Variants in SLC2A13 observed in about 807,000 individuals in gnomAD.
SLC2A13 encodes solute carrier family 2 member 13.
In SLC2A13, 32 loss-of-function variants were observed where a neutral mutation model predicts 64.4. The ratio of observed to expected loss-of-function variants is 0.50; its 90% CI spans 0.37 to 0.67. SLC2A13 has a LOEUF of 0.67. SLC2A13 is among the 30% of genes least tolerant of loss of function. The pLI is 0.00. For missense variants in SLC2A13, 743 were observed against 829.2 expected, an observed-to-expected ratio of 0.90 and a Z score of 1.28; for synonymous variants, 338 against 327.1, an observed-to-expected ratio of 1.03 and a Z score of -0.36.
intron 3 of SLC2A13, among the ~76,000 whole-genome samples, chr12:39,968,171 T>G (rs1012892144): frequency 1.9e-4 from 29 of 152,104 alleles, no homozygotes; most frequent in African/African-American, 6.8e-4. Flanking sequence ...CTCAGGAAAC[T>G]TACAATCATG....
At chr12:39,995,773 G>C (rs1288172904) in intron 3 of SLC2A13, among the ~76,000 whole-genome samples, 1 of 152,156 alleles carries the variant, frequency 6.6e-6, no homozygotes, top group Non-Finnish European at 1.5e-5. Flanking sequence ...TTTCCATGCT[G>C]TTCTCGTGAT....
chr12:39,941,946 A>G (rs147861389), intron 4 of SLC2A13, among the ~76,000 whole-genome samples: 124 of 152,202 alleles, frequency 8.1e-4, no homozygotes, highest in African/African-American at 2.8e-3. Flanking sequence ...AATCATCCCA[A>G]CACCATCTGT....
intron 5 of SLC2A13, among the ~76,000 whole-genome samples, chr12:39,867,365 T>A (rs2135932222): frequency 6.6e-6 from 1 of 152,248 alleles, no homozygotes; most frequent in Non-Finnish European, 1.5e-5. Flanking sequence ...TAAGGTCCAA[T>A]TCTAGTGCCT....
intron 6 of SLC2A13, among the ~76,000 whole-genome samples, chr12:39,836,843 T>G (rs544802803): frequency 1.2e-5 from 1 of 80,706 alleles, no homozygotes; most frequent in African/African-American, 5.2e-5. Flanking sequence ...TAAAAGAGGA[T>G]ACAAACAAAT....
chr12:39,874,970 C>G (rs1944146061), intron 4 of SLC2A13, among the ~76,000 whole-genome samples: 1 of 152,200 alleles, frequency 6.6e-6, no homozygotes, highest in African/African-American at 2.4e-5. Context: ...CCTTGTATCT[C>G]CCTCTGAGCA....
intron 4 of SLC2A13, among the ~76,000 whole-genome samples, chr12:39,925,898 C>A (rs12581013): frequency 0.059 from 8,914 of 152,166 alleles, 412 homozygotes; most frequent in East Asian, 0.26. Flanking sequence ...ATAAAATAAA[C>A]AATTTTCCTT....
intron 2 of SLC2A13, among the ~76,000 whole-genome samples, chr12:40,031,982 A>G (rs754079556): frequency 5.9e-5 from 9 of 152,178 alleles, no homozygotes; most frequent in Non-Finnish European, 1.2e-4. Context: ...GTAGTCTCCT[A>G]TTGATACAAG....
intron 6 of SLC2A13, among the ~76,000 whole-genome samples, chr12:39,854,119 C>G (rs1159013776): frequency 6.6e-6 from 1 of 151,750 alleles, no homozygotes; most frequent in Non-Finnish European, 1.5e-5. Flanking sequence ...AAAATAAAGG[C>G]CATTAGCTTG....
chr12:39,914,307 C>T (rs1023807500), intron 4 of SLC2A13, among the ~76,000 whole-genome samples: 1 of 152,018 alleles, frequency 6.6e-6, no homozygotes, highest in Non-Finnish European at 1.5e-5. Flanking sequence ...TGTCTGCTTA[C>T]AACAGTGGTG....
At chr12:39,845,734 CACA>C (rs1027777018) in intron 6 of SLC2A13, among the ~76,000 whole-genome samples, 3 of 152,124 alleles carry the variant, frequency 2.0e-5, no homozygotes, top group Non-Finnish European at 4.4e-5. Flanking sequence ...CATTTGCTCT[CACA>C]ACTAGACCCT....
intron 1 of SLC2A13, among the ~76,000 whole-genome samples, chr12:40,086,381 A>G (rs1938588535): frequency 6.6e-6 from 1 of 152,182 alleles, no homozygotes; most frequent in Non-Finnish European, 1.5e-5. Flanking sequence ...ACCTGTGGCC[A>G]TGATAAAAGA....
chr12:40,047,222 T>G (rs1433665466), intron 2 of SLC2A13, among the ~76,000 whole-genome samples: 1 of 152,166 alleles, frequency 6.6e-6, no homozygotes. Flanking sequence ...TTTCTTCTAC[T>G]GTTGAGGATT....
chr12:39,999,892 C>T (rs564826059), intron 3 of SLC2A13, among the ~76,000 whole-genome samples: 3 of 152,204 alleles, frequency 2.0e-5, no homozygotes, highest in Non-Finnish European at 4.4e-5. Context: ...GGCTTTAAGG[C>T]TCAGGTGGGC....
chr12:39,794,713 G>A (rs947485301), intron 7 of SLC2A13, among the ~76,000 whole-genome samples: 2 of 152,182 alleles, frequency 1.3e-5, no homozygotes, highest in Admixed American at 6.5e-5. Context: ...GCCTGGAGTG[G>A]CTGTGAACAT....
chr12:39,989,920 T>C (rs1256673649), intron 3 of SLC2A13, among the ~76,000 whole-genome samples: 1 of 152,328 alleles, frequency 6.6e-6, no homozygotes, highest in East Asian at 1.9e-4. Flanking sequence ...GTAAATGTGT[T>C]CTTAGTGATC....
chr12:39,826,609 A>T (rs189489914), intron 7 of SLC2A13, among the ~76,000 whole-genome samples: 1 of 151,650 alleles, frequency 6.6e-6, no homozygotes, highest in Admixed American at 6.6e-5. Flanking sequence ...TCTGAAAAAA[A>T]ATAAAAAGCA....
chr12:39,896,327 T>C (rs898116168), intron 4 of SLC2A13, among the ~76,000 whole-genome samples: 8 of 142,246 alleles, frequency 5.6e-5, no homozygotes, highest in Non-Finnish European at 9.1e-5. Flanking sequence ...TATGTATATG[T>C]GTATATATGT....
At chr12:40,019,784 A>G (rs1947682096) in intron 3 of SLC2A13, among the ~76,000 whole-genome samples, 1 of 152,124 alleles carries the variant, frequency 6.6e-6, no homozygotes, top group South Asian at 2.1e-4. Context: ...AATCATTTTC[A>G]AGGAAGTACC....
chr12:40,008,426 T>C (rs1947461511), intron 3 of SLC2A13, among the ~76,000 whole-genome samples: 1 of 152,102 alleles, frequency 6.6e-6, no homozygotes, highest in South Asian at 2.1e-4. Flanking sequence ...GCTAACATGA[T>C]GAAACCCCGT....
Sources: gnomAD v4.1 joint callset for allele counts (sites outside exome capture counted in the v4.1 genomes callset) on GRCh38, gnomAD v4.1.1 for gene constraint, MANE v1.5 for transcripts, NCBI Gene and HGNC (gene_info 2026-07-23, HGNC 2026-07-21) for gene names.